TNRC6B: variants seen among roughly 807,000 people sequenced by gnomAD.
TNRC6B encodes trinucleotide repeat-containing gene 6B protein.
In TNRC6B, 52 loss-of-function variants were observed where a neutral mutation model predicts 203.6. The ratio of observed to expected loss-of-function variants is 0.26; its 90% CI spans 0.20 to 0.32. The LOEUF (loss-of-function observed/expected upper bound fraction) is 0.32. Among genes scored for constraint, TNRC6B ranks in the 10% least tolerant of loss-of-function variants. The pLI, the probability that TNRC6B is intolerant of heterozygous loss-of-function variation, is 1.00. For synonymous variants in TNRC6B, 838 were observed against 845.7 expected (o/e 0.99, Z 0.16); for missense variants, 1,923 against 2,286.2 (o/e 0.84, Z 3.24).
At chr22:40,181,028 A>G (rs1292395489) in intron 1 of TNRC6B, among the ~76,000 whole-genome samples, 1 of 152,194 alleles carries the variant, frequency 6.6e-6, no homozygotes, top group Non-Finnish European at 1.5e-5. Flanking sequence ...CAGAAGTGGT[A>G]TCTCAATTTT....
chr22:40,217,122 C>T (rs2069646109), intron 1 of TNRC6B, among the ~76,000 whole-genome samples: 1 of 152,188 alleles, frequency 6.6e-6, no homozygotes, highest in Non-Finnish European at 1.5e-5. Flanking sequence ...TTTCCATACT[C>T]TGAAAATTCC....
At chr22:40,259,063 G>A (rs2070331377) in intron 3 of TNRC6B, among the ~76,000 whole-genome samples, 1 of 152,112 alleles carries the variant, frequency 6.6e-6, no homozygotes. Context: ...CCAACTTCTT[G>A]TTTATTCTCA....
At chr22:40,197,093 T>A (rs1208601560) in intron 1 of TNRC6B, among the ~76,000 whole-genome samples, 1 of 152,094 alleles carries the variant, frequency 6.6e-6, no homozygotes, top group Non-Finnish European at 1.5e-5. Flanking sequence ...TGCTAATTGA[T>A]TGGTTGAATC....
At chr22:40,130,706 C>T (rs2068534005) in intron 3 of TNRC6B, among the ~76,000 whole-genome samples, 1 of 143,312 alleles carries the variant, frequency 7.0e-6, no homozygotes, top group Non-Finnish European at 1.5e-5. Flanking sequence ...TGGCGTGAAC[C>T]CGGGAGGTGG....
rs542805828 is a variant in TNRC6B, at chr22:40,047,594, A to G, written c.-121+2596A>G. The stretch of plus-strand genomic sequence containing the variant: ...CTCCAATCTGGGCAACAAGAGCGAA[A>G]TTCAGTCTCCAAGAAAAAAAAAAAG... On this transcript the variant is annotated intron_variant, in intron 1 of 23. Transcript: ENST00000301923. Among the ~76,000 whole-genome samples, 6 of 152,190 alleles carry G rather than the reference A, an allele frequency of 3.9e-5. No individual in the cohort carries two copies. The East Asian group carries it at 1.2e-3, about 29-fold the overall frequency.
At chr22:40,179,250 C>G (rs2069103375) in intron 1 of TNRC6B, among the ~76,000 whole-genome samples, 1 of 152,074 alleles carries the variant, frequency 6.6e-6, no homozygotes, top group South Asian at 2.1e-4. Flanking sequence ...AGCCTCCTCC[C>G]CCTATCATTG....
intron 1 of TNRC6B, among the ~76,000 whole-genome samples, chr22:40,241,395 A>G (rs780052278): frequency 6.6e-6 from 1 of 152,210 alleles, no homozygotes; most frequent in Non-Finnish European, 1.5e-5. Context: ...TTTGCCGCAC[A>G]TTGCATTTGG....
intron 1 of TNRC6B, among the ~76,000 whole-genome samples, chr22:40,089,399 A>C (rs759755043): frequency 6.6e-6 from 1 of 151,740 alleles, no homozygotes; most frequent in Non-Finnish European, 1.5e-5. Context: ...CACCCAGCTA[A>C]TTTTTTTATT....
Position 40,312,567 on chromosome 22 carries a change from G to A in TNRC6B, c.4498G>A (p.Val1500Ile), listed in dbSNP as rs2071198908. The A allele has an allele frequency of 1.2e-6, 2 of 1,613,796 alleles. No homozygotes were observed. Among genetic ancestry groups the A allele is most frequent in the Admixed American group, 3.3e-5 (2 of 59,978 alleles). Residue 1500 changes from valine to isoleucine, a missense_variant, in exon 18 of 23, where the codon GTC (valine) becomes ATC (isoleucine). Transcript: ENST00000454349. ...CATTGACCCTGAATCTGACCCCTAT[G>A]TCACCCCAGGAAGTGTGCTGGGGGG... ...QNIDPESDPYVTPGSVLGGTA... is the reference protein window; with the variant it reads ...QNIDPESDPYITPGSVLGGTA...
At chr22:40,080,854 T>C (rs1010085563) in intron 1 of TNRC6B, among the ~76,000 whole-genome samples, 11 of 150,896 alleles carry the variant, frequency 7.3e-5, no homozygotes, top group Admixed American at 5.3e-4. Context: ...TTTTTTTTCA[T>C]GTATAACTTT....
In TNRC6B at chr22:40,094,942, A is replaced by C. The variant is rs1216574663; in HGVS notation, c.-120-22113A>C. On this transcript the variant is annotated intron_variant, in intron 1 of 23. Transcript: ENST00000301923. ...TCTGTTTTAGTTGGTCTTATTGCTGATGATACTGCAGTATGTCTCGGAGAG... is the reference window on the plus strand; with the variant it reads ...TCTGTTTTAGTTGGTCTTATTGCTGCTGATACTGCAGTATGTCTCGGAGAG... 2.6e-5 allele frequency among the ~76,000 whole-genome samples: 4 copies of C among 151,868 alleles called. No individual in the cohort carries two copies. In the East Asian group the frequency reaches 7.8e-4, roughly 29 times the overall value.
intron 7 of TNRC6B, among the ~76,000 whole-genome samples, chr22:40,275,978 C>A (rs1016078191): frequency 5.0e-4 from 76 of 151,082 alleles, no homozygotes; most frequent in African/African-American, 1.7e-3. Flanking sequence ...AAACCGCCCC[C>A]CACACACACA....
At chr22:40,298,942 G>T (rs1243734693) in intron 12 of TNRC6B, among the ~76,000 whole-genome samples, 1 of 150,716 alleles carries the variant, frequency 6.6e-6, no homozygotes, top group South Asian at 2.1e-4. Context: ...CTCCAGCCTG[G>T]GTGAAAGAGC....
At chr22:40,083,849 T>A (rs746596059) in intron 1 of TNRC6B, among the ~76,000 whole-genome samples, 3 of 152,140 alleles carry the variant, frequency 2.0e-5, no homozygotes, top group Non-Finnish European at 4.4e-5. Flanking sequence ...TTGTTCTCAA[T>A]GAAGAGTCAT....
intron 1 of TNRC6B, among the ~76,000 whole-genome samples, chr22:40,075,246 A>G (rs1031317919): frequency 2.8e-5 from 4 of 143,100 alleles, no homozygotes; most frequent in Non-Finnish European, 4.5e-5. Context: ...TCCAACTATA[A>G]TTGTGGATTT....
At chr22:40,244,358 A>C (rs2070074229) in intron 1 of TNRC6B, among the ~76,000 whole-genome samples, 1 of 152,232 alleles carries the variant, frequency 6.6e-6, no homozygotes, top group Admixed American at 6.5e-5. Flanking sequence ...TGGATTTTGC[A>C]TATTAGGCTT....
At chr22:40,264,488 G>A (rs1424896656) in intron 4 of TNRC6B, among the ~76,000 whole-genome samples, 200 bp from the exon 5 acceptor site, 2 of 152,014 alleles carry the variant, frequency 1.3e-5, no homozygotes, top group African/African-American at 2.4e-5. Flanking sequence ...GAGAGATGAA[G>A]TTAGACTTAA....
chr22:40,287,544 C>T (rs2070805027), intron 12 of TNRC6B, among the ~76,000 whole-genome samples: 1 of 152,116 alleles, frequency 6.6e-6, no homozygotes, highest in African/African-American at 2.4e-5. Context: ...CTCTTCTTTC[C>T]CTCTAAGTTC....
At chr22:40,206,523 G>T (rs909890660) in intron 1 of TNRC6B, among the ~76,000 whole-genome samples, 1 of 152,144 alleles carries the variant, frequency 6.6e-6, no homozygotes, top group Admixed American at 6.5e-5. Context: ...TCTTGAATTG[G>T]TATATAAATT....
Sources: allele counts gnomAD v4.1 joint callset (sites outside exome capture counted in the v4.1 genomes callset), GRCh38; gene constraint gnomAD v4.1.1; transcripts MANE v1.5; gene names NCBI Gene and HGNC (gene_info 2026-07-23, HGNC 2026-07-21).